The following FLNB variants were observed in gnomAD, a reference collection of about 807,000 sequenced individuals.
FLNB encodes the protein filamin-B.
FLNB carries 111 observed loss-of-function variants against 250.6 expected under a neutral mutation model. The ratio of observed to expected loss-of-function variants is 0.44; its 90% CI spans 0.38 to 0.52. The LOEUF is 0.52. FLNB is among the 20% of genes least tolerant of loss of function. The pLI is 0.00. For synonymous variants in FLNB, 1,302 were observed against 1,372.1 expected (o/e 0.95, Z 1.13); for missense variants, 2,869 against 3,447.8 (o/e 0.83, Z 4.20).
At chr3:58,101,390 C>T (rs781235540) in intron 8 of FLNB, among the ~76,000 whole-genome samples, 14 of 152,150 alleles carry the variant, frequency 9.2e-5, no homozygotes, top group African/African-American at 2.4e-4. Context: ...AAAGGTTGTC[C>T]GTGCTGGGCA....
chr3:58,032,087 C>A (rs981477341), intron 1 of FLNB, among the ~76,000 whole-genome samples: 1 of 151,862 alleles, frequency 6.6e-6, no homozygotes, highest in Non-Finnish European at 1.5e-5. Flanking sequence ...TGCCACCACA[C>A]CTGACTAATT....
rs80322976 is a variant in FLNB at position 58,110,784 on chromosome 3, G to A, written c.2484+614G>A. ...TTTTGCATTTTTAGTAGAGACGGTT[G>A]CCCAGACTGCTCTCGAGCTCCTGAC... On this transcript the variant is annotated intron_variant, in intron 16 of 45. Coordinates refer to ENST00000295956, the MANE Select transcript of FLNB (RefSeq NM_001457.4). Among the ~76,000 whole-genome samples, 209 of 152,230 alleles carry A rather than the reference G, an allele frequency of 1.4e-3. 1 individual carries two copies. Among genetic ancestry groups the A allele is most frequent in the Non-Finnish European group, 2.5e-3 (170 of 68,008 alleles).
intron 27 of FLNB, 143 bp downstream of exon 27, chr3:58,134,915 G>A (rs1040095630): frequency 2.9e-5 from 23 of 780,060 alleles, no homozygotes; most frequent in East Asian, 2.3e-4. Flanking sequence ...GTCAGTAAAT[G>A]TGCAGAAGCA....
chr3:58,135,027 A>AT (rs1192375814), intron 27 of FLNB, among the ~76,000 whole-genome samples: 3 of 151,582 alleles, frequency 2.0e-5, no homozygotes, highest in African/African-American at 7.3e-5. Flanking sequence ...TTTTATTTTT[A>AT]TTTTTTTTAA....
chr3:58,100,509 C>T (rs2097248885), intron 8 of FLNB, among the ~76,000 whole-genome samples: 1 of 150,558 alleles, frequency 6.6e-6, no homozygotes, highest in East Asian at 1.9e-4. Context: ...CCCACTTCAG[C>T]CTCTTGAGTA....
At chr3:58,018,011 C>T (rs2097108209) in intron 1 of FLNB, among the ~76,000 whole-genome samples, 2 of 152,050 alleles carry the variant, frequency 1.3e-5, no homozygotes, top group South Asian at 2.1e-4. Flanking sequence ...TTCTTTGGCT[C>T]TTCTTGGTAC....
intron 1 of FLNB, among the ~76,000 whole-genome samples, chr3:58,069,954 G>A (rs1178771745): frequency 6.6e-6 from 1 of 151,982 alleles, no homozygotes; most frequent in African/African-American, 2.4e-5. Context: ...CACATAGCAG[G>A]TACTTAAGTA....
chr3:58,090,203 A>G (rs1004898864), intron 4 of FLNB, among the ~76,000 whole-genome samples: 6 of 151,744 alleles, frequency 4.0e-5, no homozygotes, highest in South Asian at 4.2e-4. Flanking sequence ...GGTCAGGATC[A>G]TCATTATCAC....
chr3:58,115,106 C>A (rs928476494), intron 18 of FLNB, among the ~76,000 whole-genome samples: 5 of 152,176 alleles, frequency 3.3e-5, no homozygotes, highest in African/African-American at 9.7e-5. Flanking sequence ...ACAAAACATT[C>A]ATTATTAGTA....
chr3:58,169,870 C>T lies in FLNB; in HGVS notation c.7621+77C>T. 2.5e-6 allele frequency: 3 copies of T among 1,210,312 alleles called. No individual in the cohort carries two copies. Among genetic ancestry groups the T allele is most frequent in the Non-Finnish European group, 3.6e-6 (3 of 839,402 alleles). 75.0% of individuals were successfully genotyped at this position (1,210,312 alleles called of 1,614,324 possible). ...ACCCTGGGTACACTGGCCTTCCCTG[C>T]TGAGGTCTCCTGCAGTGCCCACCCC... On this transcript the variant is annotated intron_variant, in intron 45 of 45. Coordinates refer to ENST00000295956, the MANE Select transcript of FLNB (RefSeq NM_001457.4). The surrounding 1 kb of genome is among the most constrained non-coding windows in gnomAD (Gnocchi z 4.8).
chr3:58,154,853 C>T lies in FLNB; in HGVS notation c.6697C>T (p.Pro2233Ser), dbSNP rs369477886. ...AGGLSIAVEG[P>S]SKAEITFDDH... Reference sequence around the variant, plus strand: ...AGGCCTCTCCATCGCTGTTGAGGGCCCCAGTAAGGCCGAGATTACATTCGA... The same window carrying T: ...AGGCCTCTCCATCGCTGTTGAGGGCTCCAGTAAGGCCGAGATTACATTCGA... The change falls in exon 40 of 46, where the codon CCC (proline) becomes TCC (serine). Residue 2233 changes from proline (P) to serine (S), a missense_variant. This residue lies in a region of FLNB where 1,084 missense variants were observed against 1,315.5 expected (regional missense o/e 0.82). Transcript: ENST00000295956. The T allele has an allele frequency of 4.3e-6, 7 of 1,613,738 alleles. No individual in the cohort carries two copies. In the East Asian group the frequency reaches 8.9e-5, roughly 21 times the overall value.
intron 44 of FLNB, 41 bp downstream of exon 44, chr3:58,168,699 G>A (rs1270648479): frequency 7.1e-7 from 1 of 1,417,348 alleles, no homozygotes; most frequent in Admixed American, 1.7e-5. Context: ...CCCTTCCTGG[G>A]GAGCTGGTTG....
chr3:58,108,245 A>G (rs2097262974), intron 12 of FLNB, among the ~76,000 whole-genome samples: 1 of 152,204 alleles, frequency 6.6e-6, no homozygotes, highest in South Asian at 2.1e-4. Context: ...GGATTTGTTT[A>G]GAGAGTTTTC....
intron 19 of FLNB, among the ~76,000 whole-genome samples, chr3:58,120,102 C>T (rs2097286014): frequency 6.6e-6 from 1 of 152,244 alleles, no homozygotes; most frequent in South Asian, 2.1e-4. Context: ...CAGAGTACCA[C>T]TAGCAGTGCC....
chr3:58,030,933 C>T (rs1482110678), intron 1 of FLNB, among the ~76,000 whole-genome samples: 1 of 152,188 alleles, frequency 6.6e-6, no homozygotes, highest in East Asian at 1.9e-4. Flanking sequence ...TATACACCTA[C>T]TGTGTATCCA....
chr3:58,080,973 T>C (rs1330464133), intron 3 of FLNB, among the ~76,000 whole-genome samples: 1 of 151,844 alleles, frequency 6.6e-6, no homozygotes, highest in Non-Finnish European at 1.5e-5. Flanking sequence ...TTTGTATTTT[T>C]AGTAGAGACT....
chr3:58,044,327 C>T (rs895064799), intron 1 of FLNB, among the ~76,000 whole-genome samples: 5 of 152,052 alleles, frequency 3.3e-5, no homozygotes, highest in African/African-American at 9.7e-5. Context: ...GGCCAGGTGC[C>T]GTGTCATGCC....
In FLNB at chr3:58,170,483, T is replaced by C. The variant is rs75163724; in HGVS notation, c.7622-92T>C. The C allele has an allele frequency of 0.013, 16,998 of 1,304,076 alleles. 1,507 individuals are homozygous for C. In the African/African-American group the frequency reaches 0.2, roughly 15 times the overall value. 80.8% of individuals were successfully genotyped at this position (1,304,076 alleles called of 1,614,324 possible). A position where few individuals can be genotyped will look rare whatever the true frequency, so the allele number is the denominator to read the frequency against. The stretch of plus-strand genomic sequence containing the variant: ...CCTCTTAGGGGCCCCAGCATTATCG[T>C]GGAAGCACCTTACCTTTGGCTCTCA... On this transcript the variant is annotated intron_variant, in intron 45 of 45. Transcript: ENST00000295956.
intron 7 of FLNB, 51 bp downstream of exon 7, chr3:58,098,028 C>G (rs1202576149): frequency 1.1e-5 from 17 of 1,584,934 alleles, no homozygotes; most frequent in Non-Finnish European, 1.4e-5. Flanking sequence ...CTTCCAGAGG[C>G]TGAAATATAA....
Sources: gnomAD v4.1 joint callset for allele counts (sites outside exome capture counted in the v4.1 genomes callset) on GRCh38, gnomAD v4.1.1 for gene constraint, gnomAD v4.1.1 regional missense constraint, Gnocchi (gnomAD v3.1) non-coding constraint, MANE v1.5 for transcripts, NCBI Gene and HGNC (gene_info 2026-07-23, HGNC 2026-07-21) for gene names.